Variants in VSX1 observed in about 807,000 individuals in gnomAD.
The protein encoded by VSX1 is visual system homeobox 1, also known as homeodomain protein RINX.
Under a neutral mutation model 23.6 loss-of-function variants are expected in VSX1, and 23 were observed. The observed-to-expected ratio is 0.97, with a 90% CI of 0.70 to 1.38. The LOEUF (loss-of-function observed/expected upper bound fraction) is 1.38, where lower values mean the gene tolerates loss of function less well. Ranked by LOEUF, VSX1 falls within the 40% of genes most tolerant of loss-of-function variation. VSX1 has a pLI of 0.00. For missense variants in VSX1, 517 were observed against 495.4 expected (o/e 1.04, Z -0.41); for synonymous variants, 247 against 215.1 (o/e 1.15, Z -1.30).
At chr20:25,081,117 C>T (rs936665209) in intron 1 of VSX1, among the ~76,000 whole-genome samples, 2 of 152,242 alleles carry the variant, frequency 1.3e-5, no homozygotes, top group African/African-American at 4.8e-5. Flanking sequence ...GCACAGGGGA[C>T]TGGGAGGACG....
Position 25,082,018 on chromosome 20 carries a change from G to T in VSX1, c.79C>A (p.Arg27Ser), listed in dbSNP as rs772995980. Residue 27 changes from arginine to serine, a missense_variant, in exon 1 of 5, where the codon CGC (arginine) becomes AGC (serine). Arg to Ser is a moderately radical substitution (Grantham distance 110). Transcript: ENST00000376709. The stretch of plus-strand genomic sequence containing the variant: ...TCCGTGATGGCGAAGCCCCGGGGGC[G>T]CGAGCCCCTAGGGGAACCGCCAGGC... The part of the protein sequence containing the change: ...LVPGGSPRGS[R>S]PRGFAITDLL... The T allele has an allele frequency of 2.0e-6, 3 of 1,535,488 alleles. No individual in the cohort carries two copies. The highest frequency in any genetic ancestry group is 2.6e-6 in the Non-Finnish European group (3 of 1,147,100).
chr20:25,072,417 T>G (rs1394915235), downstream of VSX1: 1 of 435,678 alleles, frequency 2.3e-6, no homozygotes. Flanking sequence ...CACACGTGTG[T>G]GTGCTGCCTG....
rs954041391 is a variant in VSX1, at chr20:25,081,984, C to A, written c.113G>T (p.Gly38Val). ...GGGCGCCGGCAGCTCGGCCTCCAAG[C>A]CCAGCAGGTCCGTGATGGCGAAGCC... The part of the protein sequence containing the change: ...PRGFAITDLL[G>V]LEAELPAPAG... Residue 38 changes from glycine (G) to valine (V), a missense_variant, in exon 1 of 5, where the codon GGC (glycine) becomes GTC (valine). Transcript: ENST00000376709. 1.0e-5 allele frequency: 16 copies of A among 1,533,748 alleles called. No individual in the cohort carries two copies. Among genetic ancestry groups the A allele is most frequent in the Non-Finnish European group, 1.4e-5 (16 of 1,146,492 alleles).
Position 25,081,821 on chromosome 20 carries a change from C to T in VSX1, c.276G>A (p.Pro92=), listed in dbSNP as rs1463330399. The T allele has an allele frequency of 8.6e-6, 13 of 1,502,970 alleles. No individual in the cohort carries two copies. The highest frequency in any genetic ancestry group is 2.3e-4 in the Middle Eastern group (1 of 4,268). The allele number at this position is 1,502,970 out of a possible 1,614,324, so 93.1% of individuals were successfully genotyped here. A position where few individuals can be genotyped will look rare whatever the true frequency, so the allele number is the denominator to read the frequency against. Residue 92 remains proline, a synonymous_variant, in exon 1 of 5, where the codon CCG becomes CCA. Coordinates refer to ENST00000376709, the MANE Select transcript of VSX1 (RefSeq NM_014588.6). ...GGCAGGGTGCTCGAGCGGCCGCCGG[C>T]GGCTGCGTGCCGAAGCCACAGAGGA... ...LGLLCGFGTQ[P]PAAARAPCLL...
downstream of VSX1, among the ~76,000 whole-genome samples, chr20:25,073,741 A>G (rs4813547): frequency 0.47 from 71,148 of 152,000 alleles, 18,401 homozygotes; most frequent in African/African-American, 0.7. Context: ...GTGATGTCTG[A>G]ACTTCAGGAA....
downstream of VSX1, chr20:25,072,435 T>A (rs947664467): frequency 2.2e-6 from 1 of 449,590 alleles, no homozygotes; most frequent in Non-Finnish European, 4.6e-6. Context: ...CTGCTCCTAT[T>A]CCTGCTGCAT....
Position 25,077,713 on chromosome 20 carries a change from C to T in VSX1, c.780G>A (p.Leu260=). The change falls in exon 4 of 5, where the codon CTG becomes CTA. Residue 260 remains leucine, a synonymous_variant. Transcript: ENST00000376709. ...GGAGCCAGGGCGCGCAGGAGCCCAG[C>T]AGGCCGCCCTCGGCGGAGTTGAGCA... The part of the protein sequence containing the change: ...DSVLNSAEGG[L]LGSCAPWLLG... 1 of 1,549,764 alleles carries T rather than the reference C, an allele frequency of 6.5e-7. No homozygotes were observed. Among genetic ancestry groups the T allele is most frequent in the Non-Finnish European group, 8.7e-7 (1 of 1,146,822 alleles).
chr20:25,077,953 G>T, intron 3 of VSX1, 88 bp from the exon 4 acceptor site: 1 of 1,449,586 alleles, frequency 6.9e-7, no homozygotes, highest in Non-Finnish European at 9.5e-7. Context: ...CCCAGGGCTC[G>T]GATCTTCTCT....
chr20:25,077,869 GT>G lies in VSX1; in HGVS notation c.628-5del, dbSNP rs1568863880. On this transcript the variant is annotated splice_region_variant and splice_polypyrimidine_tract_variant and intron_variant, in intron 3 of 4. Transcript: ENST00000376709. Reference sequence around the variant, plus strand: ...CCCTGCGGTTTTGAAACCAGACCTGGTTGGAGGCAGGAGAAGCAGAAGGCAC... The same window carrying G: ...CCCTGCGGTTTTGAAACCAGACCTGGTGGAGGCAGGAGAAGCAGAAGGCAC... 4 of 1,551,646 alleles carry G rather than the reference GT, an allele frequency of 2.6e-6. No homozygotes were observed. Among genetic ancestry groups the G allele is most frequent in the Non-Finnish European group, 3.5e-6 (4 of 1,147,232 alleles).
At position 25,082,091 on chromosome 20, in the gene VSX1, G is replaced by A. The variant is rs777883794; in HGVS notation, c.6C>T (p.Thr2=). The stretch of plus-strand genomic sequence containing the variant: ...GCCCGTCGGAAAGCGAGTCCCGGCC[G>A]GTCATGGTTCCTTAGCAAGCAAGGC... M[T]GRDSLSDGRT... is the part of the protein sequence containing the mutation. The change falls in exon 1 of 5, where the codon ACC becomes ACT. Residue 2 remains threonine, a synonymous_variant. Transcript: ENST00000376709. 9.1e-6 allele frequency: 14 copies of A among 1,537,404 alleles called. No homozygotes were observed. In the African/African-American group the frequency reaches 1.1e-4, roughly 12 times the overall value.
intron 1 of VSX1, chr20:25,081,394 C>G (rs546831843): frequency 1.4e-6 from 1 of 725,208 alleles, no homozygotes; most frequent in African/African-American, 1.7e-5. Context: ...GTTGAAGACC[C>G]CAGGGTCTCA....
In VSX1 at chr20:25,081,789, A is replaced by G. The variant is rs2089651406; in HGVS notation, c.308T>C (p.Leu103Pro). ...GGGCGGCAGGAACGGCACGTCCGCT[A>G]GGAGCAGGCAGGGTGCTCGAGCGGC... ...PAAARAPCLL[L>P]ADVPFLPPRG... is the part of the protein sequence containing the mutation. Residue 103 changes from leucine to proline, a missense_variant, in exon 1 of 5, where the codon CTA becomes CCA. Transcript: ENST00000376709. The G allele has an allele frequency of 2.0e-6, 3 of 1,500,056 alleles. No individual in the cohort carries two copies. The highest frequency in any genetic ancestry group is 2.9e-5 in the African/African-American group (2 of 68,950). The allele number at this position is 1,500,056 out of a possible 1,614,324, so 92.9% of individuals were successfully genotyped here.
rs1478278090 is a variant in VSX1 at position 25,078,942 on chromosome 20, T to C, written c.514A>G (p.Thr172Ala). The C allele has an allele frequency of 1.2e-6, 2 of 1,613,824 alleles. No homozygotes were observed. Among genetic ancestry groups the C allele is most frequent in the Admixed American group, 1.7e-5 (1 of 60,008 alleles). Residue 172 changes from threonine to alanine, a missense_variant, in exon 3 of 5, where the codon ACT becomes GCT. Transcript: ENST00000376709. ...TCCAACTCTTCCAGCTGGTGAGCAG[T>C]GAAAACTGTCCTGCAAGGACCCCAA... is the stretch of plus-strand genomic sequence containing the variant. ...RKKRRHRTVFTAHQLEELEKA... is the reference protein window; with the variant it reads ...RKKRRHRTVFAAHQLEELEKA...
chr20:25,080,875 G>A lies in VSX1; in HGVS notation c.424+798C>T, dbSNP rs142459800. The stretch of plus-strand genomic sequence containing the variant: ...CCAGTCTACTCTTTTTGCCTTGGCT[G>A]CCTGGATGCTCAGCTCTAGATTCTA... On this transcript the variant is annotated intron_variant, in intron 1 of 4. Transcript: ENST00000376709. Among the ~76,000 whole-genome samples the A allele has an allele frequency of 5.9e-3, 899 of 152,280 alleles. 8 individuals carry two copies. The highest frequency in any genetic ancestry group is 0.021 in the African/African-American group (857 of 41,554).
Position 25,075,944 on chromosome 20 carries a change from T to A in VSX1, c.*317A>T. ...TCTATACAGTACATTGAACCACACA[T>A]CTCAAATGATGCCCAGCAGTGAAAT... is the stretch of plus-strand genomic sequence containing the variant. On this transcript the variant is annotated 3_prime_UTR_variant, in exon 5 of 5. Transcript: ENST00000376709. 1 of 426,016 alleles carries A rather than the reference T, an allele frequency of 2.3e-6. No homozygotes were observed. Among genetic ancestry groups the A allele is most frequent in the Non-Finnish European group, 4.4e-6 (1 of 229,354 alleles). 26.4% of individuals were successfully genotyped at this position (426,016 alleles called of 1,614,324 possible).
chr20:25,072,103 CGA>C, downstream of VSX1: 1 of 592,124 alleles, frequency 1.7e-6, no homozygotes. Flanking sequence ...TGAGAGAGAG[CGA>C]GAGACTGTGG....
At chr20:25,075,172 C>A (rs1430649139), downstream of VSX1, among the ~76,000 whole-genome samples, 2 of 152,190 alleles carry the variant, frequency 1.3e-5, no homozygotes, top group Non-Finnish European at 2.9e-5. Flanking sequence ...CCAGAGAAAG[C>A]CCTCACAATG....
Position 25,076,555 on chromosome 20 carries a change from T to TAAA in VSX1, c.809-8_809-6dup, listed in dbSNP as rs11427085. 2.0e-5 allele frequency: 28 copies of TAAA among 1,390,164 alleles called. No homozygotes were observed. In the African/African-American group the frequency reaches 3.6e-4, roughly 18 times the overall value. 86.1% of individuals were successfully genotyped at this position (1,390,164 alleles called of 1,614,324 possible). A position where few individuals can be genotyped will look rare whatever the true frequency, so the allele number is the denominator to read the frequency against. On this transcript the variant is annotated splice_region_variant and splice_polypyrimidine_tract_variant and intron_variant, in intron 4 of 4. Transcript: ENST00000376709. Reference sequence around the variant, plus strand: ...CCATGGATTTTTTATGCATCCCTTGTAAAAAAAAAAATAAAAAGGAAAAAA... The same window carrying TAAA: ...CCATGGATTTTTTATGCATCCCTTGTAAAAAAAAAAAAAATAAAAAGGAAAAAA...
rs143099682 is a variant in VSX1, at chr20:25,078,928, C to T, written c.528G>A (p.Leu176=). The change falls in exon 3 of 5, where the codon CTG becomes CTA. Residue 176 remains leucine (L), a synonymous_variant. Transcript: ENST00000376709. ...RHRTVFTAHQ[L]EELEKAFSEA... Reference sequence around the variant, plus strand: ...CGCTGAATGCCTTCTCCAACTCTTCCAGCTGGTGAGCAGTGAAAACTGTCC... The same window carrying T: ...CGCTGAATGCCTTCTCCAACTCTTCTAGCTGGTGAGCAGTGAAAACTGTCC... The T allele has an allele frequency of 1.5e-4, 244 of 1,614,090 alleles. 1 individual carries two copies. The East Asian group carries it at 4.6e-3, about 30-fold the overall frequency.
Sources: gnomAD v4.1 joint callset for allele counts (sites outside exome capture counted in the v4.1 genomes callset) on GRCh38, gnomAD v4.1.1 for gene constraint, MANE v1.5 for transcripts, NCBI Gene and HGNC (gene_info 2026-07-23, HGNC 2026-07-21) for gene names.